The following PLCZ1 variants were observed in gnomAD, a reference collection of about 807,000 sequenced individuals.
PLCZ1 encodes 1-phosphatidylinositol 4,5-bisphosphate phosphodiesterase zeta-1.
PLCZ1 carries 64 observed loss-of-function variants against 76.8 expected under a neutral mutation model. That is an observed-to-expected ratio of 0.83 (90% CI 0.68 to 1.03). The LOEUF (loss-of-function observed/expected upper bound fraction) is 1.03. Among genes scored for constraint, PLCZ1 ranks in the 50% least tolerant of loss-of-function variants. The pLI, the probability that PLCZ1 is intolerant of heterozygous loss-of-function variation, is 0.00. For missense variants in PLCZ1, 751 were observed against 713.7 expected (o/e 1.05, Z -0.60); for synonymous variants, 248 against 230.8 (o/e 1.07, Z -0.68).
the PLCZ1 span, among the ~76,000 whole-genome samples, chr12:18,671,183 C>T: frequency 1.9e-5 from 2 of 106,790 alleles, no homozygotes; most frequent in Admixed American, 9.9e-5. Context: ...GGTGAGACTC[C>T]ATCTAAAAAA....
At chr12:18,655,599 C>T in the PLCZ1 span, among the ~76,000 whole-genome samples, 465 of 152,098 alleles carry the variant, frequency 3.1e-3, 2 homozygotes, top group Non-Finnish European at 4.0e-3. Flanking sequence ...AGTAGAGAAA[C>T]CCTGACAAAT....
At chr12:18,684,620 C>T (rs781643142) in intron 13 of PLCZ1, among the ~76,000 whole-genome samples, 6 of 152,038 alleles carry the variant, frequency 3.9e-5, no homozygotes, top group Non-Finnish European at 5.9e-5. Flanking sequence ...AATTCAAAAA[C>T]GGGGAGTCTG....
At chr12:18,683,553 C>T (rs747910724) in intron 14 of PLCZ1, 83 of 1,491,890 alleles carry the variant, frequency 5.6e-5, no homozygotes, top group African/African-American at 4.3e-4. Context: ...CTTCTCCTTC[C>T]GCAAAGCGCT....
chr12:18,679,800 C>T (rs1034358473), downstream of PLCZ1, among the ~76,000 whole-genome samples: 4 of 151,886 alleles, frequency 2.6e-5, no homozygotes, highest in African/African-American at 9.7e-5. Context: ...AGAAAAAGGG[C>T]ACTTATCCCT....
intron 6 of PLCZ1, among the ~76,000 whole-genome samples, chr12:18,708,058 T>C (rs1956834651): frequency 6.6e-6 from 1 of 152,224 alleles, no homozygotes; most frequent in African/African-American, 2.4e-5. Context: ...GAATACCATA[T>C]ACAGTATAAC....
intron 7 of PLCZ1, among the ~76,000 whole-genome samples, chr12:18,702,275 G>A (rs1053284276): frequency 6.6e-6 from 1 of 151,752 alleles, no homozygotes; most frequent in African/African-American, 2.4e-5. Flanking sequence ...AATTTCTTCT[G>A]TATTACACAT....
chr12:18,686,030 T>A (rs1331371910), intron 13 of PLCZ1, among the ~76,000 whole-genome samples: 1 of 152,066 alleles, frequency 6.6e-6, no homozygotes, highest in African/African-American at 2.4e-5. Context: ...AATGTTATCC[T>A]TTTCCTCCCA....
At chr12:18,736,829 T>C (rs190473448) in intron 2 of PLCZ1, 3 of 494,822 alleles carry the variant, frequency 6.1e-6, no homozygotes, top group African/African-American at 5.9e-5. Context: ...CAATAAATAG[T>C]AACCATGACT....
the PLCZ1 span, among the ~76,000 whole-genome samples, chr12:18,669,311 G>A: frequency 6.6e-6 from 1 of 152,120 alleles, no homozygotes; most frequent in South Asian, 2.1e-4. Context: ...CATTATATGT[G>A]TGGTCTCTTG....
chr12:18,684,534 T>G (rs972527368), intron 13 of PLCZ1, among the ~76,000 whole-genome samples: 1 of 151,956 alleles, frequency 6.6e-6, no homozygotes, highest in African/African-American at 2.4e-5. Context: ...CAGGGTGGGA[T>G]GGGAAAACTG....
chr12:18,715,410 G>GT (rs201729545), intron 5 of PLCZ1, among the ~76,000 whole-genome samples: 109 of 146,946 alleles, frequency 7.4e-4, no homozygotes, highest in Non-Finnish European at 1.3e-3. Flanking sequence ...TTTTTTTTTT[G>GT]TTTTTTTTAG....
At position 18,683,188 on chromosome 12, in the gene PLCZ1, G is replaced by A; in HGVS notation, c.*51C>T. The A allele has an allele frequency of 6.9e-7, 1 of 1,444,572 alleles. No individual in the cohort carries two copies. Among genetic ancestry groups the A allele is most frequent in the South Asian group, 1.1e-5 (1 of 87,032 alleles). 89.5% of individuals were successfully genotyped at this position (1,444,572 alleles called of 1,614,324 possible). ...AAGAAAACATAAAGACATTCATTTT[G>A]GCTGTTTTATTGCGATGCATAGCTA... On this transcript the variant is annotated 3_prime_UTR_variant, in exon 15 of 15. Transcript: ENST00000266505.
At chr12:18,703,063 T>C (rs1438902637) in intron 7 of PLCZ1, among the ~76,000 whole-genome samples, 1 of 152,212 alleles carries the variant, frequency 6.6e-6, no homozygotes, top group African/African-American at 2.4e-5. Context: ...GCTAGAAAAA[T>C]AGATTCATAT....
the PLCZ1 span, among the ~76,000 whole-genome samples, chr12:18,659,798 A>G: frequency 1.3e-5 from 2 of 151,578 alleles, no homozygotes; most frequent in African/African-American, 4.8e-5. Flanking sequence ...AGCATTATGT[A>G]TATCACCTAA....
the PLCZ1 span, among the ~76,000 whole-genome samples, chr12:18,667,850 G>C: frequency 2.0e-5 from 3 of 152,106 alleles, no homozygotes; most frequent in Admixed American, 6.6e-5. Flanking sequence ...ACATTGCTCT[G>C]CCTTCTTAAG....
At chr12:18,678,070 T>C in the PLCZ1 span, among the ~76,000 whole-genome samples, 1 of 152,108 alleles carries the variant, frequency 6.6e-6, no homozygotes, top group East Asian at 1.9e-4. Context: ...ATAAATATTA[T>C]GCAAACAACT....
the PLCZ1 span, among the ~76,000 whole-genome samples, chr12:18,674,659 G>C: frequency 6.6e-6 from 1 of 152,104 alleles, no homozygotes; most frequent in East Asian, 1.9e-4. Flanking sequence ...CAAATTTTTT[G>C]CAACTACTCC....
intron 14 of PLCZ1, 107 bp downstream of exon 14, chr12:18,684,023 T>A (rs529196428): frequency 2.3e-6 from 3 of 1,318,148 alleles, no homozygotes; most frequent in South Asian, 2.5e-5. Context: ...AAATTTCCTT[T>A]ACATCCTACT....
At chr12:18,666,545 A>G in the PLCZ1 span, among the ~76,000 whole-genome samples, 25 of 152,166 alleles carry the variant, frequency 1.6e-4, no homozygotes, top group Non-Finnish European at 2.1e-4. Context: ...AAATATATAA[A>G]TGGGAAACCC....
Sources: gnomAD v4.1 joint callset for allele counts (sites outside exome capture counted in the v4.1 genomes callset) on GRCh38, gnomAD v4.1.1 for gene constraint, MANE v1.5 for transcripts, NCBI Gene and HGNC (gene_info 2026-07-23, HGNC 2026-07-21) for gene names.